The following SGMS1 variants were observed in gnomAD, a reference collection of about 807,000 sequenced individuals.
SGMS1 encodes the protein phosphatidylcholine:ceramide cholinephosphotransferase 1.
In SGMS1, 13 loss-of-function variants were observed where a neutral mutation model predicts 46.2. The ratio of observed to expected loss-of-function variants is 0.28; its 90% CI spans 0.18 to 0.45. The LOEUF is 0.45. Ranked by LOEUF, SGMS1 falls within the 20% of genes least tolerant of loss-of-function variation. SGMS1 has a pLI of 1.00. For synonymous variants in SGMS1, 203 were observed against 187.8 expected (o/e 1.08, Z -0.66); for missense variants, 324 against 519.9 (o/e 0.62, Z 3.66).
intron 1 of SGMS1, among the ~76,000 whole-genome samples, chr10:50,623,269 G>A (rs562284635): frequency 1.3e-5 from 2 of 152,266 alleles, no homozygotes; most frequent in East Asian, 1.9e-4. Flanking sequence ...GGGTGGAGCC[G>A]TGATTGGAGT....
chr10:50,373,388 A>G (rs980880976), intron 6 of SGMS1, among the ~76,000 whole-genome samples: 2 of 152,200 alleles, frequency 1.3e-5, no homozygotes, highest in African/African-American at 4.8e-5. Flanking sequence ...CGCCCTGATC[A>G]TGGAATGTTC....
chr10:50,308,136 C>A lies in SGMS1; in HGVS notation c.908G>T (p.Arg303Leu), dbSNP rs773425601. The part of the protein sequence containing the change: ...YLFIKEYSPR[R>L]LWWYHWICWL... ...GCAAATCCAGTGATACCACCAGAGT[C>A]GCCGAGGGGAATCTGAAAGGGGGAG... Residue 303 changes from arginine (R) to leucine (L), a missense_variant, in exon 10 of 11, where the codon CGA becomes CTA. Arg to Leu is a moderately radical substitution (Grantham distance 102). Transcript: ENST00000361781. 1 of 1,612,920 alleles carries A rather than the reference C, an allele frequency of 6.2e-7. No individual in the cohort carries two copies. Among genetic ancestry groups the A allele is most frequent in the Non-Finnish European group, 8.5e-7 (1 of 1,179,502 alleles).
chr10:50,448,775 T>C (rs1464756039), intron 5 of SGMS1, among the ~76,000 whole-genome samples: 1 of 142,260 alleles, frequency 7.0e-6, no homozygotes, highest in Admixed American at 7.0e-5. Context: ...TGAAAAGACA[T>C]ATACACACTA....
intron 6 of SGMS1, among the ~76,000 whole-genome samples, chr10:50,344,886 T>G (rs1847891420): frequency 6.6e-6 from 1 of 151,526 alleles, no homozygotes; most frequent in Admixed American, 6.6e-5. Flanking sequence ...AAAAAAATAA[T>G]AATAATTTCC....
At chr10:50,406,414 C>T (rs1464135878) in intron 6 of SGMS1, among the ~76,000 whole-genome samples, 2 of 152,084 alleles carry the variant, frequency 1.3e-5, no homozygotes, top group Non-Finnish European at 2.9e-5. Context: ...TTCCCTGGGA[C>T]CATGAAGGAT....
At chr10:50,462,617 G>A (rs1363696215) in intron 4 of SGMS1, among the ~76,000 whole-genome samples, 1 of 152,162 alleles carries the variant, frequency 6.6e-6, no homozygotes, top group East Asian at 1.9e-4. Context: ...ATTTTATAAA[G>A]TCCTTTTAAA....
chr10:50,481,906 C>T (rs1837480790), intron 3 of SGMS1, among the ~76,000 whole-genome samples: 1 of 152,102 alleles, frequency 6.6e-6, no homozygotes, highest in African/African-American at 2.4e-5. Context: ...CCGAATAGAC[C>T]AGCAGAAGAA....
chr10:50,588,622 T>C (rs1838508786), intron 2 of SGMS1, among the ~76,000 whole-genome samples: 2 of 152,230 alleles, frequency 1.3e-5, no homozygotes, highest in South Asian at 4.1e-4. Flanking sequence ...AACATCAACT[T>C]CACAGTACCA....
intron 2 of SGMS1, among the ~76,000 whole-genome samples, chr10:50,526,353 T>G (rs1564424380): frequency 6.6e-6 from 1 of 152,078 alleles, no homozygotes; most frequent in Non-Finnish European, 1.5e-5. Context: ...GAGAACAGCA[T>G]GGGGGATATC....
chr10:50,601,655 T>C (rs984728552), intron 1 of SGMS1, among the ~76,000 whole-genome samples: 2 of 152,252 alleles, frequency 1.3e-5, no homozygotes, highest in Admixed American at 6.5e-5. Flanking sequence ...TCAGCTCTTC[T>C]TCTAGCATGC....
chr10:50,531,161 C>T (rs1164847832), intron 2 of SGMS1, among the ~76,000 whole-genome samples: 3 of 152,162 alleles, frequency 2.0e-5, no homozygotes, highest in Non-Finnish European at 4.4e-5. Flanking sequence ...AGGGCAGGCA[C>T]CATTTATACC....
At chr10:50,544,050 C>T (rs546483453) in intron 2 of SGMS1, among the ~76,000 whole-genome samples, 5 of 152,276 alleles carry the variant, frequency 3.3e-5, no homozygotes, top group South Asian at 4.1e-4. Context: ...GAAAAACTCC[C>T]TTGGATGTGT....
At chr10:50,332,355 C>T (rs1032034205) in intron 7 of SGMS1, among the ~76,000 whole-genome samples, 5 of 152,148 alleles carry the variant, frequency 3.3e-5, no homozygotes, top group African/African-American at 1.2e-4. Flanking sequence ...AATGTCATCT[C>T]TCAGAGAGGT....
At chr10:50,618,720 G>C (rs925538219) in intron 1 of SGMS1, among the ~76,000 whole-genome samples, 1 of 152,162 alleles carries the variant, frequency 6.6e-6, no homozygotes, top group African/African-American at 2.4e-5. Flanking sequence ...GAGTAATTTA[G>C]CAGTGTTTAG....
chr10:50,541,513 C>T (rs1033547111), intron 2 of SGMS1, among the ~76,000 whole-genome samples: 3 of 152,162 alleles, frequency 2.0e-5, no homozygotes, highest in Non-Finnish European at 4.4e-5. Flanking sequence ...CATGATGACT[C>T]GAGCTCTTCC....
At chr10:50,319,895 G>A (rs1055078002) in intron 8 of SGMS1, among the ~76,000 whole-genome samples, 2 of 151,910 alleles carry the variant, frequency 1.3e-5, no homozygotes, top group African/African-American at 2.4e-5. Flanking sequence ...TATTATGATC[G>A]CCAACCTTTC....
chr10:50,459,213 G>C (rs759993929), intron 5 of SGMS1, among the ~76,000 whole-genome samples: 5 of 152,190 alleles, frequency 3.3e-5, no homozygotes. Context: ...ATGTGAGAAA[G>C]AGGGCATATT....
chr10:50,400,362 AAT>A (rs1449379138), intron 6 of SGMS1, among the ~76,000 whole-genome samples: 9 of 127,484 alleles, frequency 7.1e-5, no homozygotes, highest in African/African-American at 2.8e-4. Flanking sequence ...AGATCAACAA[AAT>A]ATAAACACAA....
chr10:50,569,065 G>A (rs896966528), intron 2 of SGMS1, among the ~76,000 whole-genome samples: 9 of 151,472 alleles, frequency 5.9e-5, no homozygotes, highest in Non-Finnish European at 8.8e-5. Flanking sequence ...ACCAAACACC[G>A]CATATTCTCA....
Sources: allele counts gnomAD v4.1 joint callset (sites outside exome capture counted in the v4.1 genomes callset), GRCh38; gene constraint gnomAD v4.1.1; transcripts MANE v1.5; gene names NCBI Gene and HGNC (gene_info 2026-07-23, HGNC 2026-07-21).